FGF12: variants seen among roughly 807,000 people sequenced by gnomAD.
FGF12 encodes fibroblast growth factor 12.
In FGF12, 14 loss-of-function variants were observed where a neutral mutation model predicts 23.6. The ratio of observed to expected loss-of-function variants is 0.59; its 90% CI spans 0.39 to 0.93. The LOEUF is 0.93. Among genes scored for constraint, FGF12 ranks in the 40% least tolerant of loss-of-function variants. The probability of loss-of-function intolerance (pLI) is 0.00; values close to 1 mark genes in which losing one functional copy is unlikely to be tolerated. For synonymous variants in FGF12, 62 were observed against 77.3 expected (o/e 0.80, Z 1.04); for missense variants, 175 against 217.8 (o/e 0.80, Z 1.24).
At chr3:192,648,696 C>T (rs969387957) in intron 2 of FGF12, among the ~76,000 whole-genome samples, 5 of 151,696 alleles carry the variant, frequency 3.3e-5, no homozygotes, top group Non-Finnish European at 5.9e-5. Context: ...CCAAAATTTA[C>T]GCAAAATATG....
intron 3 of FGF12, among the ~76,000 whole-genome samples, chr3:192,356,235 A>T (rs1027305999): frequency 6.6e-6 from 1 of 152,104 alleles, no homozygotes; most frequent in Admixed American, 6.5e-5. Context: ...CCTTTGCCTC[A>T]AGTGCCAGGA....
intron 4 of FGF12, among the ~76,000 whole-genome samples, chr3:192,332,930 G>A (rs1305228085): frequency 2.0e-5 from 3 of 152,062 alleles, no homozygotes; most frequent in East Asian, 3.9e-4. Flanking sequence ...TAACTCACGA[G>A]GCGAAAGCAT....
chr3:192,499,672 C>T (rs190341921), intron 2 of FGF12, among the ~76,000 whole-genome samples: 26 of 150,730 alleles, frequency 1.7e-4, no homozygotes, highest in African/African-American at 6.1e-4. Context: ...GCTGGGACTA[C>T]AGGCACCCAC....
At chr3:192,239,501 A>T (rs115580931) in intron 4 of FGF12, among the ~76,000 whole-genome samples, 5,452 of 152,084 alleles carry the variant, frequency 0.036, 323 homozygotes, top group African/African-American at 0.12. Context: ...GGGGCCCCCA[A>T]CTCCTGGGCC....
intron 3 of FGF12, among the ~76,000 whole-genome samples, chr3:192,359,015 T>G (rs1025916931): frequency 6.6e-6 from 1 of 152,134 alleles, no homozygotes; most frequent in Non-Finnish European, 1.5e-5. Context: ...AAATCGACAT[T>G]CAGTTACAGA....
intron 2 of FGF12, among the ~76,000 whole-genome samples, chr3:192,486,566 A>G (rs562512081): frequency 2.6e-5 from 4 of 152,128 alleles, no homozygotes; most frequent in Non-Finnish European, 4.4e-5. Context: ...TAGGAAGTAA[A>G]AGAAGAATAC....
intron 2 of FGF12, among the ~76,000 whole-genome samples, chr3:192,649,031 C>T (rs1417829859): frequency 6.6e-6 from 1 of 152,126 alleles, no homozygotes; most frequent in African/African-American, 2.4e-5. Context: ...CTTAAGGGGT[C>T]ACTCTATCAT....
At chr3:192,442,118 T>G (rs1302615865) in intron 2 of FGF12, among the ~76,000 whole-genome samples, 4 of 152,338 alleles carry the variant, frequency 2.6e-5, no homozygotes, top group Non-Finnish European at 4.4e-5. Flanking sequence ...ACAGAGGACC[T>G]GTAGTGCAAA....
At position 192,409,618 on chromosome 3, in the gene FGF12, C is replaced by A. The variant is rs544549980; in HGVS notation, c.14-49080G>T. The stretch of plus-strand genomic sequence containing the variant: ...GAAGTGACCCGCGCGCTGCGAATAC[C>A]CGCGCGTCCGCTCGGGTGGGGCGGG... On this transcript the variant is annotated intron_variant, in intron 2 of 5. Coordinates refer to ENST00000445105, the MANE Select transcript of FGF12 (RefSeq NM_004113.6). This position sits in a 1 kb window ranked among gnomAD's most constrained non-coding sequence, Gnocchi z 4.8. Among the ~76,000 whole-genome samples, 5 of 152,286 alleles carry A rather than the reference C, an allele frequency of 3.3e-5. No individual in the cohort carries two copies. The South Asian group carries it at 1.0e-3, about 32-fold the overall frequency.
chr3:192,456,944 T>A (rs1364146296), intron 2 of FGF12, among the ~76,000 whole-genome samples: 1 of 152,176 alleles, frequency 6.6e-6, no homozygotes, highest in East Asian at 1.9e-4. Flanking sequence ...ATAATTCCCA[T>A]GTGTTGTGGG....
intron 2 of FGF12, among the ~76,000 whole-genome samples, chr3:192,679,390 G>A (rs1226906463): frequency 6.6e-6 from 1 of 152,150 alleles, no homozygotes; most frequent in African/African-American, 2.4e-5. Flanking sequence ...TTGAGGTCAG[G>A]AGTTCAAGAC....
intron 2 of FGF12, among the ~76,000 whole-genome samples, chr3:192,427,595 T>C (rs920424593): frequency 6.6e-6 from 1 of 152,226 alleles, no homozygotes; most frequent in African/African-American, 2.4e-5. Context: ...ATTTATTTCA[T>C]TTAGTAAATA....
intron 2 of FGF12, among the ~76,000 whole-genome samples, chr3:192,424,924 A>C (rs1230622772): frequency 6.6e-6 from 1 of 152,234 alleles, no homozygotes; most frequent in Non-Finnish European, 1.5e-5. Context: ...TGTTTATAAA[A>C]TATGATACAT....
chr3:192,429,193 C>T (rs796735999), intron 2 of FGF12, among the ~76,000 whole-genome samples: 113 of 152,172 alleles, frequency 7.4e-4, no homozygotes, highest in African/African-American at 2.6e-3. Flanking sequence ...TACCTCTTCA[C>T]GAAGCTTAAG....
intron 4 of FGF12, among the ~76,000 whole-genome samples, chr3:192,252,435 C>G (rs1712080318): frequency 8.1e-6 from 1 of 123,950 alleles, no homozygotes; most frequent in Non-Finnish European, 1.6e-5. Context: ...TGCACTCCAG[C>G]CTGGGTAATG....
At chr3:192,695,420 T>C (rs928541520) in intron 2 of FGF12, among the ~76,000 whole-genome samples, 1 of 152,196 alleles carries the variant, frequency 6.6e-6, no homozygotes, top group Non-Finnish European at 1.5e-5. Flanking sequence ...TGTTCCATTA[T>C]CATTTTGCAT....
In FGF12 at chr3:192,345,553, A is replaced by G. The variant is rs1156662252; in HGVS notation, c.125-10089T>C. Among the ~76,000 whole-genome samples, 13 of 93,906 alleles carry G rather than the reference A, an allele frequency of 1.4e-4. 4 individuals carry two copies. The highest frequency in any genetic ancestry group is 2.3e-4 in the Non-Finnish European group (13 of 56,026). The allele number at this position is 93,906 out of a possible 152,430, so 61.6% of individuals were successfully genotyped here. ...ATACAAAAAATTAGCCGGGCGTGGT[A>G]GCGGGCGCCTGTAGTCCCAGCTACT... is the stretch of plus-strand genomic sequence containing the variant. On this transcript the variant is annotated intron_variant, in intron 3 of 5. Coordinates refer to ENST00000445105, the MANE Select transcript of FGF12 (RefSeq NM_004113.6).
intron 2 of FGF12, among the ~76,000 whole-genome samples, chr3:192,362,964 G>A (rs1718800363): frequency 6.6e-6 from 1 of 151,960 alleles, no homozygotes; most frequent in Non-Finnish European, 1.5e-5. Flanking sequence ...AATTCACACT[G>A]TATTTCTAAT....
chr3:192,623,631 TTC>T (rs1219029552), intron 2 of FGF12, among the ~76,000 whole-genome samples: 3 of 152,212 alleles, frequency 2.0e-5, no homozygotes. Flanking sequence ...TTCCATTAGT[TTC>T]TTTCATACGT....
Sources: gnomAD v4.1 joint callset for allele counts (sites outside exome capture counted in the v4.1 genomes callset) on GRCh38, gnomAD v4.1.1 for gene constraint, Gnocchi (gnomAD v3.1) non-coding constraint, MANE v1.5 for transcripts, NCBI Gene and HGNC (gene_info 2026-07-23, HGNC 2026-07-21) for gene names.